Variants in RIN2 observed in about 807,000 individuals in gnomAD.
RIN2 encodes RAB5 interacting protein 2.
RIN2 carries 36 observed loss-of-function variants against 78.0 expected under a neutral mutation model. That is an observed-to-expected ratio of 0.46 (90% CI 0.35 to 0.61). The LOEUF (loss-of-function observed/expected upper bound fraction) is 0.61, where lower values mean the gene tolerates loss of function less well. Ranked by LOEUF, RIN2 falls within the 20% of genes least tolerant of loss-of-function variation. The probability of loss-of-function intolerance (pLI) is 0.00; values close to 1 mark genes in which losing one functional copy is unlikely to be tolerated. For synonymous variants in RIN2, 466 were observed against 466.8 expected (o/e 1.00, Z 0.02); for missense variants, 1,087 against 1,159.7 (o/e 0.94, Z 0.91).
At chr20:19,969,643 A>T (rs1160606007) in intron 7 of RIN2, among the ~76,000 whole-genome samples, 1 of 152,154 alleles carries the variant, frequency 6.6e-6, no homozygotes, top group Admixed American at 6.5e-5. Flanking sequence ...GCAGGCAGGA[A>T]CTTCCGTCTG....
intron 2 of RIN2, chr20:19,886,668 A>C: frequency 7.1e-7 from 1 of 1,402,404 alleles, no homozygotes; most frequent in Non-Finnish European, 9.8e-7. Flanking sequence ...CATCTACTGG[A>C]CATGTTGGAC....
intron 9 of RIN2, among the ~76,000 whole-genome samples, chr20:19,978,492 G>A (rs2042351998): frequency 6.6e-6 from 1 of 152,304 alleles, no homozygotes; most frequent in East Asian, 1.9e-4. Flanking sequence ...CCATGTGCTG[G>A]TGTCACTATC....
intron 3 of RIN2, among the ~76,000 whole-genome samples, chr20:19,890,776 C>T (rs1342110344): frequency 1.3e-5 from 2 of 149,390 alleles, no homozygotes; most frequent in Non-Finnish European, 2.9e-5. Flanking sequence ...CACCAGGACA[C>T]AGTCTTATTC....
intron 1 of RIN2, among the ~76,000 whole-genome samples, chr20:19,759,911 T>G (rs958899305): frequency 4.6e-5 from 7 of 152,078 alleles, no homozygotes; most frequent in African/African-American, 1.4e-4. Flanking sequence ...TCATATCCAG[T>G]CTCCCTCCCC....
intron 3 of RIN2, among the ~76,000 whole-genome samples, chr20:19,891,052 A>G (rs1470349786): frequency 1.3e-5 from 2 of 152,204 alleles, no homozygotes; most frequent in Non-Finnish European, 2.9e-5. Flanking sequence ...TTCCTGCAAC[A>G]AACAGTGAAG....
chr20:19,880,392 CTTTTTTTTT>C (rs33934712), intron 2 of RIN2, among the ~76,000 whole-genome samples: 9 of 57,416 alleles, frequency 1.6e-4, no homozygotes, highest in Admixed American at 6.0e-4. Context: ...GGAAGTCATT[CTTTTTTTTT>C]TTTTTTTTTT....
At chr20:19,874,696 G>GACT (rs2037801309) in intron 2 of RIN2, among the ~76,000 whole-genome samples, 1 of 152,162 alleles carries the variant, frequency 6.6e-6, no homozygotes, top group African/African-American at 2.4e-5. Context: ...GGGGAATGGA[G>GACT]ACTAAGACAG....
At chr20:19,795,442 T>C (rs1233512771) in intron 1 of RIN2, among the ~76,000 whole-genome samples, 2 of 152,214 alleles carry the variant, frequency 1.3e-5, no homozygotes, top group East Asian at 3.8e-4. Flanking sequence ...GTGAGTTTTT[T>C]TTCCCCTCAG....
chr20:20,000,586 G>C, intron 12 of RIN2, 27 bp from the exon 13 acceptor site: 1 of 1,554,908 alleles, frequency 6.4e-7, no homozygotes, highest in Non-Finnish European at 8.8e-7. Flanking sequence ...TCTTCTGACT[G>C]TCTCAACATT....
Position 19,964,938 on chromosome 20 carries a change from A to C in RIN2, c.464-14A>C. The C allele has an allele frequency of 2.5e-6, 4 of 1,612,570 alleles. No individual in the cohort carries two copies. The highest frequency in any genetic ancestry group is 1.7e-4 in the Middle Eastern group (1 of 6,052). On this transcript the variant is annotated splice_polypyrimidine_tract_variant and intron_variant, in intron 6 of 12. Coordinates refer to ENST00000255006, the MANE Select transcript of RIN2 (RefSeq NM_018993.4). ...TCAGGGAGAATCAGCTGGTTTCTGA[A>C]ATCTCTTTTCCAGCCTTTTCCCTGG...
chr20:19,910,227 A>T (rs2123716684), intron 3 of RIN2, among the ~76,000 whole-genome samples: 1 of 152,130 alleles, frequency 6.6e-6, no homozygotes, highest in South Asian at 2.1e-4. Flanking sequence ...CCCAGACTGG[A>T]GTGCAGAGGC....
At chr20:19,786,438 G>A (rs555862196) in intron 1 of RIN2, among the ~76,000 whole-genome samples, 2 of 152,182 alleles carry the variant, frequency 1.3e-5, no homozygotes, top group South Asian at 4.2e-4. Flanking sequence ...GAGAGATACC[G>A]TAGCAGTCTC....
chr20:19,773,338 T>C lies in RIN2; in HGVS notation c.-163+15011T>C, dbSNP rs141327308. On this transcript the variant is annotated intron_variant, in intron 1 of 12. Coordinates refer to ENST00000255006, the MANE Select transcript of RIN2 (RefSeq NM_018993.4). ...GTGAGAACTCCAACATATCTCTTTGTGGGGACACAATTCAACCCATAACTA... is the reference window on the plus strand; with the variant it reads ...GTGAGAACTCCAACATATCTCTTTGCGGGGACACAATTCAACCCATAACTA... Among the ~76,000 whole-genome samples, 61 of 152,316 alleles carry C rather than the reference T, an allele frequency of 4.0e-4. No individual in the cohort carries two copies. The East Asian group carries it at 0.011, about 27-fold the overall frequency.
At chr20:19,886,449 G>A (rs970396390) in intron 2 of RIN2, 2 of 475,508 alleles carry the variant, frequency 4.2e-6, no homozygotes, top group Non-Finnish European at 7.4e-6. Context: ...GGTGTCTCTA[G>A]GAGAATGAGG....
chr20:19,797,601 C>T (rs1263514596), intron 1 of RIN2, among the ~76,000 whole-genome samples: 2 of 152,178 alleles, frequency 1.3e-5, no homozygotes, highest in Non-Finnish European at 2.9e-5. Flanking sequence ...GATTAGAAGA[C>T]ATTGTGAAGT....
At chr20:19,844,278 C>CAACT (rs1350663669) in intron 2 of RIN2, among the ~76,000 whole-genome samples, 16 of 152,154 alleles carry the variant, frequency 1.1e-4, no homozygotes, top group African/African-American at 3.9e-4. Context: ...AATCTGGGAC[C>CAACT]AACTATTCTA....
In RIN2 at chr20:19,992,283, G is replaced by C. The variant is rs754028614; in HGVS notation, c.2184G>C (p.Ser728=). 5 of 1,568,944 alleles carry C rather than the reference G, an allele frequency of 3.2e-6. No individual in the cohort carries two copies. The highest frequency in any genetic ancestry group is 4.3e-6 in the Non-Finnish European group (5 of 1,155,784). The change falls in exon 11 of 13, where the codon TCG becomes TCC. Residue 728 remains serine (S), a synonymous_variant. Coordinates refer to ENST00000255006, the MANE Select transcript of RIN2 (RefSeq NM_018993.4). ...IEYMMELLDP[S]LLHGEGGYYL... is the part of the protein sequence containing the mutation. ...ACATGATGGAGCTCCTAGACCCATC[G>C]CTGTTACATGGAGAAGGTAACTGCT... is the stretch of plus-strand genomic sequence containing the variant.
intron 2 of RIN2, among the ~76,000 whole-genome samples, chr20:19,817,939 G>A (rs1473769379): frequency 3.3e-5 from 5 of 152,222 alleles, no homozygotes; most frequent in Non-Finnish European, 7.3e-5. Flanking sequence ...GTATAGTCAT[G>A]CATCCCTTAA....
At chr20:19,964,914 C>T (rs1479477070) in intron 6 of RIN2, 38 bp from the exon 7 acceptor site, 1 of 1,579,534 alleles carries the variant, frequency 6.3e-7, no homozygotes, top group Non-Finnish European at 8.7e-7. Flanking sequence ...AGAACGTGCT[C>T]AGGGAGAATC....
Sources: allele counts gnomAD v4.1 joint callset (sites outside exome capture counted in the v4.1 genomes callset), GRCh38; gene constraint gnomAD v4.1.1; transcripts MANE v1.5; gene names NCBI Gene and HGNC (gene_info 2026-07-23, HGNC 2026-07-21).